The following ERP44 variants were observed in gnomAD, a reference collection of about 807,000 sequenced individuals.
The protein encoded by ERP44 is endoplasmic reticulum protein 44.
ERP44 carries 25 observed loss-of-function variants against 53.4 expected under a neutral mutation model. The observed-to-expected ratio is 0.47, with a 90% CI of 0.34 to 0.65. ERP44 has a LOEUF of 0.65. ERP44 is among the 30% of genes least tolerant of loss of function. The pLI, the probability that ERP44 is intolerant of heterozygous loss-of-function variation, is 0.01. For missense variants in ERP44, 338 were observed against 493.2 expected, an observed-to-expected ratio of 0.69 and a Z score of 2.98; for synonymous variants, 145 against 161.2, an observed-to-expected ratio of 0.90 and a Z score of 0.76.
intron 4 of ERP44, among the ~76,000 whole-genome samples, chr9:100,034,995 T>C (rs1406475467): frequency 1.3e-5 from 2 of 152,168 alleles, no homozygotes; most frequent in Admixed American, 6.5e-5. Flanking sequence ...ATTCAATAAA[T>C]GGTATTGGAA....
chr9:100,019,991 G>A (rs1830568975), intron 6 of ERP44, among the ~76,000 whole-genome samples: 1 of 152,114 alleles, frequency 6.6e-6, no homozygotes. Context: ...GAAAAAGAAA[G>A]GTGAAATTAT....
At chr9:100,022,534 T>C (rs1830603904) in intron 4 of ERP44, among the ~76,000 whole-genome samples, 1 of 152,174 alleles carries the variant, frequency 6.6e-6, no homozygotes, top group African/African-American at 2.4e-5. Flanking sequence ...CATAAGATTG[T>C]CTTAAGTATC....
chr9:99,998,149 A>G (rs1830333789), intron 10 of ERP44, among the ~76,000 whole-genome samples: 1 of 152,220 alleles, frequency 6.6e-6, no homozygotes, highest in Non-Finnish European at 1.5e-5. Flanking sequence ...TTTCTTTAGA[A>G]TGGTTTCTGT....
At chr9:100,015,300 T>C (rs1830516176) in intron 8 of ERP44, among the ~76,000 whole-genome samples, 1 of 152,220 alleles carries the variant, frequency 6.6e-6, no homozygotes, top group Admixed American at 6.5e-5. Flanking sequence ...TTTTAAAAAC[T>C]GTACCTAATA....
At chr9:100,088,167 A>G (rs992076826) in intron 1 of ERP44, among the ~76,000 whole-genome samples, 1 of 152,206 alleles carries the variant, frequency 6.6e-6, no homozygotes, top group African/African-American at 2.4e-5. Context: ...AGCAATTTTT[A>G]AAAAATAAAA....
At chr9:100,052,963 G>A (rs2118708473) in intron 3 of ERP44, among the ~76,000 whole-genome samples, 1 of 152,042 alleles carries the variant, frequency 6.6e-6, no homozygotes, top group East Asian at 1.9e-4. Flanking sequence ...TGTTGCCCAA[G>A]TTGGAGGGCA....
In ERP44 at chr9:100,035,405, T is replaced by C. The variant is rs759989753; in HGVS notation, c.287-13179A>G. On this transcript the variant is annotated intron_variant, in intron 4 of 11. Transcript: ENST00000262455. The stretch of plus-strand genomic sequence containing the variant: ...AAACACGAATAACCCCATTAAAAAG[T>C]AGGCAAAGGCCTGTAATCCCAGCAC... 1.3e-5 allele frequency among the ~76,000 whole-genome samples: 2 copies of C among 152,098 alleles called. 1 individual carries two copies. The highest frequency in any genetic ancestry group is 4.1e-4 in the South Asian group (2 of 4,828).
chr9:100,052,926 A>T (rs1048936356), intron 3 of ERP44, among the ~76,000 whole-genome samples: 1 of 152,068 alleles, frequency 6.6e-6, no homozygotes, highest in Non-Finnish European at 1.5e-5. Context: ...ATTTATTTTT[A>T]ATTTTTTTTG....
At chr9:100,027,212 T>C (rs1830663116) in intron 4 of ERP44, among the ~76,000 whole-genome samples, 2 of 152,174 alleles carry the variant, frequency 1.3e-5, no homozygotes, top group Admixed American at 6.5e-5. Flanking sequence ...GTGGCAAAAA[T>C]CACAAGAGTC....
intron 4 of ERP44, among the ~76,000 whole-genome samples, chr9:100,050,243 T>G (rs1826021801): frequency 6.6e-6 from 1 of 152,124 alleles, no homozygotes. Context: ...ATATCTTGAT[T>G]GTGGTGATGG....
At chr9:100,076,770 C>T (rs529175095) in intron 1 of ERP44, among the ~76,000 whole-genome samples, 7 of 152,336 alleles carry the variant, frequency 4.6e-5, no homozygotes, top group South Asian at 2.1e-4. Flanking sequence ...TGCTCACCAA[C>T]GGGTGACTTC....
Position 100,018,110 on chromosome 9 carries a change from G to A in ERP44, c.645+146C>T, listed in dbSNP as rs1310451955. 3 of 636,306 alleles carry A rather than the reference G, an allele frequency of 4.7e-6. No individual in the cohort carries two copies. In the African/African-American group the frequency reaches 5.5e-5, roughly 12 times the overall value. 39.4% of individuals were successfully genotyped at this position (636,306 alleles called of 1,614,324 possible). ...TGTGGTCCCACCTTCATTTTGAAGG[G>A]TTTAGATCAGCACAAGATGATGCTT... On this transcript the variant is annotated intron_variant, in intron 7 of 11. Transcript: ENST00000262455.
At chr9:100,083,017 A>G (rs911240351) in intron 1 of ERP44, among the ~76,000 whole-genome samples, 2 of 152,126 alleles carry the variant, frequency 1.3e-5, no homozygotes, top group East Asian at 3.8e-4. Flanking sequence ...TGAAACCACA[A>G]ACACAAGCAC....
rs745305662 is a variant in ERP44 at position 100,098,774 on chromosome 9, C to T, written c.57+10G>A. 4.3e-6 allele frequency: 7 copies of T among 1,612,536 alleles called. No homozygotes were observed. The South Asian group carries it at 4.4e-5, about 10-fold the overall frequency. On this transcript the variant is annotated intron_variant, in intron 1 of 11. Coordinates refer to ENST00000262455, the MANE Select transcript of ERP44 (RefSeq NM_015051.3). ...GCGTTTGTCGATGGGTCTGTCATTC[C>T]CTCACTCACCAGGAGCAGAAGGGAG...
At chr9:100,012,440 C>T (rs1353193209) in intron 8 of ERP44, among the ~76,000 whole-genome samples, 1 of 152,100 alleles carries the variant, frequency 6.6e-6, no homozygotes, top group African/African-American at 2.4e-5. Flanking sequence ...ACATGTTAAA[C>T]TGGATCCTGG....
Position 99,980,386 on chromosome 9 carries a change from C to T in ERP44, c.*2226G>A, listed in dbSNP as rs1335543839. 2 of 235,514 alleles carry T rather than the reference C, an allele frequency of 8.5e-6. No homozygotes were observed. The highest frequency in any genetic ancestry group is 4.5e-5 in the African/African-American group (2 of 44,542). The allele number at this position is 235,514 out of a possible 1,614,324, so 14.6% of individuals were successfully genotyped here. Reference sequence around the variant, plus strand: ...GACTTCCTCAAATCCTAGTTCAAGCCCTGGGATCCAGATAGACAGTGCCAG... The same window carrying T: ...GACTTCCTCAAATCCTAGTTCAAGCTCTGGGATCCAGATAGACAGTGCCAG... On this transcript the variant is annotated 3_prime_UTR_variant, in exon 12 of 12. Coordinates refer to ENST00000262455, the MANE Select transcript of ERP44 (RefSeq NM_015051.3).
chr9:100,028,996 G>C (rs1413312058), intron 4 of ERP44, among the ~76,000 whole-genome samples: 1 of 152,156 alleles, frequency 6.6e-6, no homozygotes, highest in Non-Finnish European at 1.5e-5. Context: ...AAAATTCTAA[G>C]TGTCCCTATC....
At position 100,029,803 on chromosome 9, in the gene ERP44, T is replaced by C. The variant is rs867434648; in HGVS notation, c.287-7577A>G. Among the ~76,000 whole-genome samples the C allele has an allele frequency of 1.2e-4, 19 of 152,100 alleles. No individual in the cohort carries two copies. The Middle Eastern group carries it at 0.01, about 82-fold the overall frequency. ...TCAACAGATGAATGGATAAAGAAAA[T>C]GTGGGGCCGGGTGCGGTGGCTCATG... On this transcript the variant is annotated intron_variant, in intron 4 of 11. Coordinates refer to ENST00000262455, the MANE Select transcript of ERP44 (RefSeq NM_015051.3).
At chr9:100,031,761 C>T (rs780939606) in intron 4 of ERP44, among the ~76,000 whole-genome samples, 5 of 151,968 alleles carry the variant, frequency 3.3e-5, no homozygotes, top group Non-Finnish European at 4.4e-5. Context: ...CCTGGGATTC[C>T]CTGGGAAAAA....
Sources: gnomAD v4.1 joint callset for allele counts (sites outside exome capture counted in the v4.1 genomes callset) on GRCh38, gnomAD v4.1.1 for gene constraint, MANE v1.5 for transcripts, NCBI Gene and HGNC (gene_info 2026-07-23, HGNC 2026-07-21) for gene names.